DENND2B: variants seen among roughly 807,000 people sequenced by gnomAD.
DENND2B encodes DENN domain-containing protein 2B.
In DENND2B, 32 loss-of-function variants were observed where a neutral mutation model predicts 116.0. The ratio of observed to expected loss-of-function variants is 0.28; its 90% CI spans 0.21 to 0.37. The LOEUF is 0.37. Among genes scored for constraint, DENND2B ranks in the 10% least tolerant of loss-of-function variants. DENND2B has a pLI of 1.00. For synonymous variants in DENND2B, 588 were observed against 583.9 expected (o/e 1.01, Z -0.10); for missense variants, 1,276 against 1,477.7 (o/e 0.86, Z 2.24).
At chr11:8,811,372 G>A (rs564849452), upstream of DENND2B, 43 of 398,590 alleles carry the variant, frequency 1.1e-4, no homozygotes, top group South Asian at 3.7e-3. Context: ...GTCAGGACCA[G>A]GAAGAATCCT....
At chr11:8,847,783 C>A (rs1453397758) in intron 3 of DENND2B, among the ~76,000 whole-genome samples, 1 of 152,090 alleles carries the variant, frequency 6.6e-6, no homozygotes, top group Non-Finnish European at 1.5e-5. Flanking sequence ...AGTGATGCTA[C>A]AGAAAAAACT....
intron 1 of DENND2B, among the ~76,000 whole-genome samples, chr11:8,907,630 G>C (rs1433080254): frequency 6.6e-6 from 1 of 152,052 alleles, no homozygotes; most frequent in African/African-American, 2.4e-5. Flanking sequence ...AGAAAATGTA[G>C]TTACAATTGA....
intron 3 of DENND2B, among the ~76,000 whole-genome samples, chr11:8,856,406 A>G (rs936748435): frequency 2.0e-5 from 3 of 152,242 alleles, no homozygotes; most frequent in Non-Finnish European, 2.9e-5. Flanking sequence ...AAAAATTTTT[A>G]AAGTATCATA....
intron 1 of DENND2B, among the ~76,000 whole-genome samples, chr11:8,755,853 G>T (rs958022125): frequency 6.6e-6 from 1 of 152,170 alleles, no homozygotes. Flanking sequence ...TGATGATAAA[G>T]TCAATCTTGC....
intron 2 of DENND2B, among the ~76,000 whole-genome samples, chr11:8,876,640 G>C (rs1174819598): frequency 3.3e-5 from 5 of 152,144 alleles, no homozygotes; most frequent in African/African-American, 1.2e-4. Context: ...ACTTTGGGAG[G>C]CCAAGGTGGG....
chr11:8,697,836 A>C, intron 16 of DENND2B, 200 bp from the exon 17 acceptor site: 1 of 595,108 alleles, frequency 1.7e-6, no homozygotes, highest in South Asian at 1.9e-5. Flanking sequence ...CAGAGATTAA[A>C]AGTGGTAGAG....
At chr11:8,900,001 T>C (rs1405622964) in intron 1 of DENND2B, among the ~76,000 whole-genome samples, 2 of 152,040 alleles carry the variant, frequency 1.3e-5, no homozygotes, top group African/African-American at 4.8e-5. Context: ...TATCAATCAG[T>C]AGATTGTGGC....
intron 1 of DENND2B, among the ~76,000 whole-genome samples, chr11:8,758,530 T>A (rs1026412575): frequency 6.6e-6 from 1 of 152,240 alleles, no homozygotes; most frequent in Non-Finnish European, 1.5e-5. Flanking sequence ...CATACACTGG[T>A]GGTCTGCAGA....
chr11:8,827,810 T>G (rs1164115079), intron 4 of DENND2B, among the ~76,000 whole-genome samples: 1 of 152,224 alleles, frequency 6.6e-6, no homozygotes, highest in East Asian at 1.9e-4. Context: ...GAGAGACAGC[T>G]CAACGACATC....
intron 1 of DENND2B, among the ~76,000 whole-genome samples, chr11:8,886,004 A>G (rs887262813): frequency 6.6e-6 from 1 of 152,102 alleles, no homozygotes; most frequent in African/African-American, 2.4e-5. Flanking sequence ...GCAGTGGTAC[A>G]ATCATGGTTC....
At chr11:8,699,155 T>A in intron 15 of DENND2B, 58 bp downstream of exon 15, 1 of 1,523,620 alleles carries the variant, frequency 6.6e-7, no homozygotes, top group Middle Eastern at 2.4e-4. Context: ...ACAAGTAAGA[T>A]CCCAGCACCT....
chr11:8,718,108 C>T (rs2045357248), intron 4 of DENND2B: 1 of 262,586 alleles, frequency 3.8e-6, no homozygotes, highest in African/African-American at 2.5e-5. Context: ...CCCCCCACCC[C>T]CCCCAACCCC....
In DENND2B at chr11:8,747,017, A is replaced by C. The variant is rs2134022183; in HGVS notation, c.80+3604T>G. Reference sequence around the variant, plus strand: ...CTACCTTTCTAAGAAACTACAGACTAGATGAAAACAGAGTCCAAAGCTAAG... The same window carrying C: ...CTACCTTTCTAAGAAACTACAGACTCGATGAAAACAGAGTCCAAAGCTAAG... On this transcript the variant is annotated intron_variant, in intron 2 of 19. Transcript: ENST00000313726. 2.0e-5 allele frequency among the ~76,000 whole-genome samples: 3 copies of C among 152,326 alleles called. No homozygotes were observed. In the Middle Eastern group the frequency reaches 0.01, roughly 518 times the overall value.
At chr11:8,697,847 G>A in intron 16 of DENND2B, 1 of 584,794 alleles carries the variant, frequency 1.7e-6, no homozygotes, top group Admixed American at 2.7e-5. Flanking sequence ...AGTGGTAGAG[G>A]GTCAGGCGCA....
At chr11:8,906,205 C>CTT (rs34217164) in intron 1 of DENND2B, among the ~76,000 whole-genome samples, 16 of 93,294 alleles carry the variant, frequency 1.7e-4, no homozygotes, top group South Asian at 6.9e-4. Context: ...TCTTTTTTTT[C>CTT]TTTTTTTTTT....
At chr11:8,881,249 A>G (rs935872330) in intron 1 of DENND2B, 1 of 152,200 alleles carries the variant, frequency 6.6e-6, no homozygotes, top group Admixed American at 6.5e-5. Flanking sequence ...ACATCGTTCT[A>G]AGGCACTTGT....
chr11:8,792,386 C>T (rs1458035836), intron 1 of DENND2B, among the ~76,000 whole-genome samples: 1 of 151,946 alleles, frequency 6.6e-6, no homozygotes, highest in African/African-American at 2.4e-5. Flanking sequence ...AATTCAACTC[C>T]ACAGCCGAGA....
chr11:8,884,460 G>A (rs1469656608), intron 1 of DENND2B, among the ~76,000 whole-genome samples: 2 of 152,144 alleles, frequency 1.3e-5, no homozygotes, highest in East Asian at 1.9e-4. Flanking sequence ...CCAAGTAGCT[G>A]AGAGTGTAGG....
chr11:8,763,739 G>T (rs2055093121), intron 1 of DENND2B, among the ~76,000 whole-genome samples: 1 of 151,724 alleles, frequency 6.6e-6, no homozygotes, highest in Non-Finnish European at 1.5e-5. Flanking sequence ...GGAGATTCTG[G>T]GATATTGATA....
Sources: gnomAD v4.1 joint callset for allele counts (sites outside exome capture counted in the v4.1 genomes callset) on GRCh38, gnomAD v4.1.1 for gene constraint, MANE v1.5 for transcripts, NCBI Gene and HGNC (gene_info 2026-07-23, HGNC 2026-07-21) for gene names.